The following ANO2 variants were observed in gnomAD, a reference collection of about 807,000 sequenced individuals.
The protein encoded by ANO2 is anoctamin-2.
ANO2 carries 101 observed loss-of-function variants against 124.2 expected under a neutral mutation model. The ratio of observed to expected loss-of-function variants is 0.81; its 90% CI spans 0.69 to 0.96. ANO2 has a LOEUF of 0.96. Ranked by LOEUF, ANO2 falls within the 40% of genes least tolerant of loss-of-function variation. The pLI, the probability that ANO2 is intolerant of heterozygous loss-of-function variation, is 0.00. For missense variants in ANO2, 1,293 were observed against 1,274.5 expected, an observed-to-expected ratio of 1.01 and a Z score of -0.22; for synonymous variants, 486 against 482.5, an observed-to-expected ratio of 1.01 and a Z score of -0.09.
intron 14 of ANO2, among the ~76,000 whole-genome samples, chr12:5,728,445 T>TA (rs1162498405): frequency 6.6e-6 from 1 of 152,060 alleles, no homozygotes; most frequent in Non-Finnish European, 1.5e-5. Flanking sequence ...TTTAACAAAA[T>TA]ATGTACAAGA....
chr12:5,582,697 G>C (rs140926174), intron 20 of ANO2, among the ~76,000 whole-genome samples: 1 of 152,134 alleles, frequency 6.6e-6, no homozygotes, highest in Admixed American at 6.5e-5. Flanking sequence ...AAGTATGTTG[G>C]AGATCAACTC....
At chr12:5,751,510 G>A (rs1329200642) in intron 10 of ANO2, among the ~76,000 whole-genome samples, 2 of 152,170 alleles carry the variant, frequency 1.3e-5, no homozygotes, top group Non-Finnish European at 2.9e-5. Context: ...ATGGGCTTAT[G>A]GGTGGTTTTT....
intron 14 of ANO2, among the ~76,000 whole-genome samples, chr12:5,656,167 C>A (rs1005894936): frequency 6.6e-6 from 1 of 152,134 alleles, no homozygotes; most frequent in Non-Finnish European, 1.5e-5. Context: ...GAGTTTAATA[C>A]CAGCACTTCC....
At chr12:5,807,116 G>A (rs951266755) in intron 8 of ANO2, among the ~76,000 whole-genome samples, 197 bp downstream of exon 8, 10 of 152,200 alleles carry the variant, frequency 6.6e-5, no homozygotes, top group Non-Finnish European at 1.5e-4. Context: ...TGCCGAGACA[G>A]TTTGAGATGA....
At chr12:5,851,523 A>T (rs146067442) in intron 4 of ANO2, among the ~76,000 whole-genome samples, 320 of 152,196 alleles carry the variant, frequency 2.1e-3, no homozygotes, top group African/African-American at 7.1e-3. Flanking sequence ...TGTCTCTACT[A>T]AAAATACAAA....
intron 3 of ANO2, among the ~76,000 whole-genome samples, chr12:5,859,457 A>G (rs1180779249): frequency 6.6e-6 from 1 of 152,208 alleles, no homozygotes; most frequent in Non-Finnish European, 1.5e-5. Context: ...GAGTTACCCA[A>G]GAAGACGGTG....
intron 14 of ANO2, among the ~76,000 whole-genome samples, chr12:5,681,849 C>T (rs1948505076): frequency 2.0e-5 from 3 of 152,166 alleles, no homozygotes; most frequent in Admixed American, 2.0e-4. Flanking sequence ...TCTATATTTC[C>T]CTTTCACTAG....
chr12:5,761,300 G>A (rs1951737929), intron 10 of ANO2, among the ~76,000 whole-genome samples: 1 of 151,928 alleles, frequency 6.6e-6, no homozygotes, highest in South Asian at 2.1e-4. Flanking sequence ...AGAAGAAAGG[G>A]GGAAAAAGGC....
At chr12:5,643,063 T>TACACACACACACACACAC (rs67252256) in intron 15 of ANO2, among the ~76,000 whole-genome samples, 8 of 150,088 alleles carry the variant, frequency 5.3e-5, no homozygotes, top group African/African-American at 2.0e-4. Context: ...AAATCCATTT[T>TACACACACACACACACAC]ACACACACAC....
intron 7 of ANO2, among the ~76,000 whole-genome samples, chr12:5,819,601 G>A (rs1027924563): frequency 1.3e-5 from 2 of 152,194 alleles, no homozygotes; most frequent in African/African-American, 4.8e-5. Context: ...AGATCCAAAG[G>A]GTTAGGGAGA....
intron 10 of ANO2, among the ~76,000 whole-genome samples, chr12:5,752,446 C>T (rs1269378362): frequency 6.6e-6 from 1 of 152,108 alleles, no homozygotes; most frequent in Non-Finnish European, 1.5e-5. Flanking sequence ...ATTTGCATTT[C>T]CCTGATGAAT....
intron 14 of ANO2, among the ~76,000 whole-genome samples, chr12:5,683,546 A>T (rs1267684772): frequency 6.6e-6 from 1 of 152,134 alleles, no homozygotes; most frequent in Non-Finnish European, 1.5e-5. Context: ...TTGGCCACAT[A>T]CACCGTATTT....
intron 4 of ANO2, among the ~76,000 whole-genome samples, chr12:5,849,574 C>G (rs1954803592): frequency 6.6e-6 from 1 of 152,220 alleles, no homozygotes; most frequent in Admixed American, 6.5e-5. Flanking sequence ...AAAATGCTGG[C>G]TCTTCTGTTG....
chr12:5,661,173 C>A (rs777372475), intron 14 of ANO2, among the ~76,000 whole-genome samples: 7 of 152,170 alleles, frequency 4.6e-5, no homozygotes, highest in Non-Finnish European at 7.4e-5. Flanking sequence ...AACGGCCATC[C>A]TGCAGCCACA....
At position 5,944,957 on chromosome 12, in the gene ANO2, T is replaced by C. The variant is rs531993923; in HGVS notation, c.22+239A>G. Among the ~76,000 whole-genome samples the C allele has an allele frequency of 7.3e-5, 11 of 150,518 alleles. No individual in the cohort carries two copies. The East Asian group carries it at 7.8e-4, about 11-fold the overall frequency. ...CAAACCTCTGTTGTCCTACCTTCCC[T>C]CTCCTTGAGTTAAAAAAAAAACAAA... On this transcript the variant is annotated intron_variant, in intron 1 of 24. Transcript: ENST00000682330.
intron 14 of ANO2, among the ~76,000 whole-genome samples, chr12:5,716,344 G>C (rs1950025778): frequency 6.6e-6 from 1 of 152,178 alleles, no homozygotes; most frequent in South Asian, 2.1e-4. Context: ...GTGGGAGGCT[G>C]CAGTGTGGCC....
At chr12:5,913,502 A>G (rs1283966385) in intron 3 of ANO2, among the ~76,000 whole-genome samples, 1 of 152,214 alleles carries the variant, frequency 6.6e-6, no homozygotes, top group Non-Finnish European at 1.5e-5. Flanking sequence ...CCCGCTTTGA[A>G]TACGTAACTG....
chr12:5,566,127 C>T (rs545697097), intron 23 of ANO2, among the ~76,000 whole-genome samples: 50 of 152,282 alleles, frequency 3.3e-4, no homozygotes, highest in African/African-American at 1.2e-3. Context: ...CTTCCCCTTC[C>T]AGATGCTTCA....
intron 3 of ANO2, chr12:5,881,776 T>C (rs1938518498): frequency 6.6e-6 from 1 of 152,202 alleles, no homozygotes; most frequent in Non-Finnish European, 1.5e-5. Context: ...CCAATAGCCA[T>C]ACAGTTCAGC....
Sources: allele counts gnomAD v4.1 joint callset (sites outside exome capture counted in the v4.1 genomes callset), GRCh38; gene constraint gnomAD v4.1.1; transcripts MANE v1.5; gene names NCBI Gene and HGNC (gene_info 2026-07-23, HGNC 2026-07-21).